Variants in DRC4 observed in about 807,000 individuals in gnomAD.
DRC4 encodes the protein dynein regulatory complex subunit 4.
the DRC4 span, among the ~76,000 whole-genome samples, chr16:90,030,951 C>T: frequency 6.6e-6 from 1 of 152,062 alleles, no homozygotes; most frequent in Non-Finnish European, 1.5e-5. Context: ...TAGGTTATTT[C>T]CTTTTTGATA....
chr16:90,044,374 C>A, the DRC4 span: 1 of 413,644 alleles, frequency 2.4e-6, no homozygotes. Flanking sequence ...AGCAAGTGAG[C>A]TCACCTACCT....
At chr16:90,037,982 C>T in the DRC4 span, 9 of 771,684 alleles carry the variant, frequency 1.2e-5, no homozygotes, top group African/African-American at 8.6e-5. Flanking sequence ...GGACGGGGCT[C>T]TCCTTGTGGC....
the DRC4 span, among the ~76,000 whole-genome samples, chr16:90,021,874 A>AAAAAAAAAAAAAAAG: frequency 2.4e-5 from 3 of 127,238 alleles, no homozygotes; most frequent in African/African-American, 5.8e-5. Flanking sequence ...AAAAAAAAAA[A>AAAAAAAAAAAAAAAG]AAGCACCTGT....
chr16:90,040,384 G>T, the DRC4 span: 1 of 1,611,430 alleles, frequency 6.2e-7, no homozygotes, highest in South Asian at 1.1e-5. Flanking sequence ...CAAGAACCTC[G>T]TGCTAGAACG....
chr16:90,040,534 C>G, the DRC4 span: 1 of 1,558,596 alleles, frequency 6.4e-7, no homozygotes, highest in South Asian at 1.2e-5. Context: ...GGCTCCTGAC[C>G]CCAGTGGGCG....
the DRC4 span, chr16:90,037,372 C>T: frequency 1.2e-6 from 2 of 1,613,664 alleles, no homozygotes; most frequent in Non-Finnish European, 1.7e-6. Flanking sequence ...AGCTCGCAAA[C>T]TACGAGAGGG....
the DRC4 span, chr16:90,036,786 G>C: frequency 3.0e-3 from 2,091 of 699,040 alleles, 34 homozygotes; most frequent in African/African-American, 0.033. Flanking sequence ...GTTAAAAGCA[G>C]TCAGGATATT....
chr16:90,031,209 C>T, the DRC4 span: 1 of 1,583,884 alleles, frequency 6.3e-7, no homozygotes, highest in Non-Finnish European at 8.5e-7. Flanking sequence ...AGTCCTCCCT[C>T]TTTCTTCCTT....
the DRC4 span, chr16:90,020,869 A>T: frequency 6.6e-6 from 1 of 152,264 alleles, no homozygotes; most frequent in Non-Finnish European, 1.5e-5. Context: ...TCTGAAGCAA[A>T]AAGCCAATCA....
At chr16:90,025,824 G>A in the DRC4 span, among the ~76,000 whole-genome samples, 1 of 149,778 alleles carries the variant, frequency 6.7e-6, no homozygotes, top group Non-Finnish European at 1.5e-5. Context: ...AGAGGTGGAG[G>A]TTGCAGTGAG....
At chr16:90,022,828 G>A in the DRC4 span, 1 of 1,131,732 alleles carries the variant, frequency 8.8e-7, no homozygotes, top group Non-Finnish European at 1.1e-6. Context: ...GAGGCCTGGA[G>A]CGCTGGGTTT....
At chr16:90,031,195 G>C in the DRC4 span, 5 of 1,560,308 alleles carry the variant, frequency 3.2e-6, no homozygotes, top group Non-Finnish European at 4.3e-6. Flanking sequence ...TTTAGGTGAA[G>C]TTGAGTCCTC....
the DRC4 span, chr16:90,043,479 A>G: frequency 2.2e-6 from 2 of 927,912 alleles, no homozygotes; most frequent in South Asian, 3.4e-5. Flanking sequence ...TGTTCTTGCC[A>G]TCCTCTTTCC....
the DRC4 span, chr16:90,036,629 C>T: frequency 6.5e-7 from 1 of 1,530,346 alleles, no homozygotes; most frequent in Admixed American, 2.0e-5. Flanking sequence ...CTCTGCCTGT[C>T]CTAGAATGTG....
the DRC4 span, chr16:90,037,729 C>G: frequency 3.8e-6 from 6 of 1,592,674 alleles, no homozygotes; most frequent in South Asian, 1.1e-5. Context: ...ATCTTGAATA[C>G]TTTCTGTCCC....
the DRC4 span, among the ~76,000 whole-genome samples, chr16:90,023,679 G>T: frequency 7.0e-6 from 1 of 142,852 alleles, no homozygotes; most frequent in Non-Finnish European, 1.6e-5. Context: ...TCTGAAAACC[G>T]ACTATGAAAG....
At chr16:90,021,983 C>T in the DRC4 span, 1 of 151,796 alleles carries the variant, frequency 6.6e-6, no homozygotes, top group African/African-American at 2.4e-5. Context: ...TGTAAAATGG[C>T]TAGCAGTTTT....
chr16:90,041,657 A>G, the DRC4 span, among the ~76,000 whole-genome samples: 1 of 151,972 alleles, frequency 6.6e-6, no homozygotes, highest in Non-Finnish European at 1.5e-5. Context: ...TACAAAAATT[A>G]GCTGGGCTTG....
the DRC4 span, chr16:90,037,439 G>C: frequency 1.3e-6 from 2 of 1,576,902 alleles, no homozygotes; most frequent in Non-Finnish European, 8.6e-7. Context: ...CTTGGCATGA[G>C]CTTGCCTAGG....
Sources: allele counts gnomAD v4.1 joint callset (sites outside exome capture counted in the v4.1 genomes callset), GRCh38; gene constraint gnomAD v4.1.1; transcripts MANE v1.5; gene names NCBI Gene and HGNC (gene_info 2026-07-23, HGNC 2026-07-21).